The following GRID1 variants were observed in gnomAD, a reference collection of about 807,000 sequenced individuals.
The protein encoded by GRID1 is glutamate ionotropic receptor delta type subunit 1, also known as glutamate receptor ionotropic, delta-1.
GRID1 carries 28 observed loss-of-function variants against 98.0 expected under a neutral mutation model. That is an observed-to-expected ratio of 0.29 (90% CI 0.21 to 0.39). GRID1 has a LOEUF of 0.39. Among genes scored for constraint, GRID1 ranks in the 10% least tolerant of loss-of-function variants. The pLI, the probability that GRID1 is intolerant of heterozygous loss-of-function variation, is 1.00. For missense variants in GRID1, 1,111 were observed against 1,340.5 expected (o/e 0.83, Z 2.67); for synonymous variants, 553 against 538.5 (o/e 1.03, Z -0.37).
At chr10:85,745,915 T>C (rs1841992198) in intron 8 of GRID1, among the ~76,000 whole-genome samples, 1 of 151,540 alleles carries the variant, frequency 6.6e-6, no homozygotes, top group Non-Finnish European at 1.5e-5. Context: ...GCTCAAAGAG[T>C]AGAGTGAAGA....
At chr10:85,716,762 T>A (rs868012627) in intron 12 of GRID1, among the ~76,000 whole-genome samples, 1 of 149,464 alleles carries the variant, frequency 6.7e-6, no homozygotes, top group Non-Finnish European at 1.5e-5. Context: ...ATAAAATATA[T>A]TTCCATTGTG....
At chr10:86,020,273 A>G (rs1843032378) in intron 4 of GRID1, among the ~76,000 whole-genome samples, 1 of 152,230 alleles carries the variant, frequency 6.6e-6, no homozygotes, top group South Asian at 2.1e-4. Flanking sequence ...GCCAGGCAGG[A>G]GCAAGGATGG....
chr10:85,833,073 G>A (rs1045944852), intron 8 of GRID1, among the ~76,000 whole-genome samples: 1 of 152,164 alleles, frequency 6.6e-6, no homozygotes, highest in Admixed American at 6.5e-5. Context: ...TACTCAGGCA[G>A]CTGGGCAGGA....
chr10:86,186,709 A>G (rs1362629524), intron 3 of GRID1, among the ~76,000 whole-genome samples: 1 of 152,240 alleles, frequency 6.6e-6, no homozygotes, highest in Non-Finnish European at 1.5e-5. Context: ...TTTAAACACT[A>G]AACTCAATGC....
intron 2 of GRID1, among the ~76,000 whole-genome samples, chr10:86,223,380 C>T (rs540611097): frequency 8.5e-5 from 13 of 152,240 alleles, no homozygotes; most frequent in South Asian, 2.1e-4. Context: ...CAGGAAGCTG[C>T]GGAGCTGTGG....
At chr10:85,635,095 C>G (rs1382053896) in intron 13 of GRID1, among the ~76,000 whole-genome samples, 1 of 137,146 alleles carries the variant, frequency 7.3e-6, no homozygotes, top group Admixed American at 7.8e-5. Flanking sequence ...TGAAAATAAT[C>G]AAGGTTAGCA....
intron 4 of GRID1, among the ~76,000 whole-genome samples, chr10:86,046,813 A>T (rs1443907736): frequency 1.3e-5 from 2 of 151,604 alleles, no homozygotes; most frequent in Non-Finnish European, 2.9e-5. Flanking sequence ...TTACATCTGT[A>T]AGTGCTTTGA....
At chr10:86,232,638 T>C (rs1846474885) in intron 2 of GRID1, among the ~76,000 whole-genome samples, 1 of 152,220 alleles carries the variant, frequency 6.6e-6, no homozygotes, top group South Asian at 2.1e-4. Context: ...CAAATGCCCA[T>C]TTTTAAGTTT....
At position 86,236,164 on chromosome 10, in the gene GRID1, A is replaced by C. The variant is rs952892800; in HGVS notation, c.236-29516T>G. ...TAACATTATTGAACATCTTTTCTGC[A>C]TGTTTATTTGAAATCTGTATCTCTT... On this transcript the variant is annotated intron_variant, in intron 2 of 15. Coordinates refer to ENST00000327946, the MANE Select transcript of GRID1 (RefSeq NM_017551.3). Among the ~76,000 whole-genome samples, 55 of 152,182 alleles carry C rather than the reference A, an allele frequency of 3.6e-4. 1 individual carries two copies. The highest frequency in any genetic ancestry group is 3.5e-3 in the Admixed American group (54 of 15,272).
At chr10:86,312,662 T>C (rs1227593900) in intron 2 of GRID1, among the ~76,000 whole-genome samples, 1 of 152,260 alleles carries the variant, frequency 6.6e-6, no homozygotes, top group African/African-American at 2.4e-5. Flanking sequence ...TTCAAATCAC[T>C]GTCGATCACA....
At chr10:85,837,617 TC>T (rs1842922205) in intron 8 of GRID1, among the ~76,000 whole-genome samples, 1 of 147,560 alleles carries the variant, frequency 6.8e-6, no homozygotes, top group African/African-American at 2.5e-5. Flanking sequence ...GTCCTCAGAG[TC>T]ATCGAATAGG....
chr10:86,029,565 A>G (rs1843157824), intron 4 of GRID1, among the ~76,000 whole-genome samples: 1 of 152,230 alleles, frequency 6.6e-6, no homozygotes, highest in African/African-American at 2.4e-5. Context: ...ATTTGTTTTT[A>G]CCAAAAATGA....
intron 4 of GRID1, among the ~76,000 whole-genome samples, chr10:86,030,724 A>G (rs183834285): frequency 3.9e-5 from 6 of 152,238 alleles, no homozygotes; most frequent in Admixed American, 3.9e-4. Flanking sequence ...ATTTAGGCAG[A>G]TAGTAAGGGT....
intron 2 of GRID1, among the ~76,000 whole-genome samples, chr10:86,301,514 C>T (rs1295293450): frequency 6.6e-6 from 1 of 152,258 alleles, no homozygotes; most frequent in Admixed American, 6.5e-5. Context: ...AGCAGACACA[C>T]ATCTCACCCA....
chr10:86,253,185 G>A (rs1440128161), intron 2 of GRID1, among the ~76,000 whole-genome samples: 1 of 152,216 alleles, frequency 6.6e-6, no homozygotes, highest in Non-Finnish European at 1.5e-5. Context: ...CAGGCTGACA[G>A]CTCTGTCTTT....
At chr10:86,265,541 CT>C (rs527333717) in intron 2 of GRID1, among the ~76,000 whole-genome samples, 203 of 152,350 alleles carry the variant, frequency 1.3e-3, no homozygotes, top group African/African-American at 4.7e-3. Flanking sequence ...AGCCCCAGGT[CT>C]TACCACCAGC....
At chr10:85,654,561 T>C (rs1414929724) in intron 12 of GRID1, among the ~76,000 whole-genome samples, 1 of 152,176 alleles carries the variant, frequency 6.6e-6, no homozygotes, top group Non-Finnish European at 1.5e-5. Context: ...ATGTCCACCC[T>C]TCCTCCTGGG....
intron 4 of GRID1, among the ~76,000 whole-genome samples, chr10:85,917,013 A>G (rs954518460): frequency 2.6e-5 from 4 of 152,222 alleles, no homozygotes; most frequent in African/African-American, 9.6e-5. Flanking sequence ...TTGATTATGC[A>G]AATGAAGTGG....
At chr10:85,675,198 T>C (rs369439820) in intron 12 of GRID1, among the ~76,000 whole-genome samples, 61 of 152,320 alleles carry the variant, frequency 4.0e-4, no homozygotes, top group African/African-American at 1.2e-3. Flanking sequence ...TACCTAGTGA[T>C]GCTGTCTGCT....
Sources: gnomAD v4.1 joint callset for allele counts (sites outside exome capture counted in the v4.1 genomes callset) on GRCh38, gnomAD v4.1.1 for gene constraint, MANE v1.5 for transcripts, NCBI Gene and HGNC (gene_info 2026-07-23, HGNC 2026-07-21) for gene names.